The following MCPH1 variants were observed in gnomAD, a reference collection of about 807,000 sequenced individuals.
MCPH1 encodes the protein microcephalin 1, also known as microcephalin.
MCPH1 carries 104 observed loss-of-function variants against 84.5 expected under a neutral mutation model. The observed-to-expected ratio is 1.23, with a 90% CI of 1.05 to 1.45. The LOEUF is 1.45. Among genes scored for constraint, MCPH1 ranks in the 40% most tolerant of loss-of-function variants. MCPH1 has a pLI of 0.00. For missense variants in MCPH1, 1,498 were observed against 1,005.7 expected, an observed-to-expected ratio of 1.49 and a Z score of -6.62; for synonymous variants, 514 against 366.8, an observed-to-expected ratio of 1.40 and a Z score of -4.58.
intron 2 of MCPH1, among the ~76,000 whole-genome samples, chr8:6,410,324 G>T (rs545328378): frequency 6.6e-6 from 1 of 152,046 alleles, no homozygotes; most frequent in East Asian, 1.9e-4. Context: ...TAATTTTAAA[G>T]ATAGAATTTT....
chr8:6,534,011 A>C (rs1820030076), intron 12 of MCPH1, among the ~76,000 whole-genome samples: 1 of 152,108 alleles, frequency 6.6e-6, no homozygotes, highest in South Asian at 2.1e-4. Flanking sequence ...CCCCCTCGCC[A>C]TCGACTCTGC....
intron 12 of MCPH1, among the ~76,000 whole-genome samples, chr8:6,506,711 T>C (rs753086937): frequency 2.0e-5 from 3 of 150,898 alleles, no homozygotes; most frequent in Non-Finnish European, 4.4e-5. Flanking sequence ...GGTGTAATAA[T>C]GGTGTAACAT....
At chr8:6,487,220 A>AGAT (rs751579185) in intron 11 of MCPH1, among the ~76,000 whole-genome samples, 9 of 152,392 alleles carry the variant, frequency 5.9e-5, no homozygotes, top group Admixed American at 2.6e-4. Context: ...AACTATCAAC[A>AGAT]GATAATCTAG....
chr8:6,544,282 T>A (rs145809007), intron 12 of MCPH1, among the ~76,000 whole-genome samples: 3 of 152,320 alleles, frequency 2.0e-5, no homozygotes, highest in Non-Finnish European at 2.9e-5. Flanking sequence ...TCTACTTCTG[T>A]CTGTGGCCAG....
At chr8:6,521,236 C>T (rs1296892808) in intron 12 of MCPH1, 8 of 1,613,790 alleles carry the variant, frequency 5.0e-6, no homozygotes, top group Admixed American at 1.7e-5. Flanking sequence ...GATCATGTTG[C>T]TGCTTCTGAA....
intron 12 of MCPH1, among the ~76,000 whole-genome samples, chr8:6,578,293 C>T (rs759053778): frequency 6.6e-6 from 1 of 152,180 alleles, no homozygotes; most frequent in African/African-American, 2.4e-5. Context: ...TATTCCATAT[C>T]AATTCTAAAC....
At chr8:6,467,799 T>C (rs1807169358) in intron 9 of MCPH1, among the ~76,000 whole-genome samples, 1 of 152,104 alleles carries the variant, frequency 6.6e-6, no homozygotes, top group African/African-American at 2.4e-5. Flanking sequence ...GATTTGGCTG[T>C]GTTGACCAGG....
At chr8:6,547,057 CCG>C (rs1822725242) in intron 12 of MCPH1, among the ~76,000 whole-genome samples, 1 of 152,048 alleles carries the variant, frequency 6.6e-6, no homozygotes, top group Admixed American at 6.5e-5. Flanking sequence ...TCCGTGTGTA[CCG>C]TGGTTGCCTT....
At chr8:6,575,131 T>A (rs74560458) in intron 12 of MCPH1, among the ~76,000 whole-genome samples, 9,576 of 152,220 alleles carry the variant, frequency 0.063, 388 homozygotes, top group East Asian at 0.12. Flanking sequence ...CGGTTAGAGT[T>A]TTCCTATTGC....
chr8:6,538,337 C>T (rs73507128), intron 12 of MCPH1, among the ~76,000 whole-genome samples: 4 of 152,206 alleles, frequency 2.6e-5, no homozygotes, highest in Admixed American at 1.3e-4. Context: ...GTCCACTGTC[C>T]TCTCTGTCTC....
chr8:6,422,149 C>A (rs952469292), intron 3 of MCPH1, among the ~76,000 whole-genome samples: 2 of 152,132 alleles, frequency 1.3e-5, no homozygotes. Context: ...TTTTGTCTTT[C>A]TATTGTAATG....
chr8:6,623,033 T>TG (rs10689803), intron 13 of MCPH1, among the ~76,000 whole-genome samples: 40 of 144,548 alleles, frequency 2.8e-4, no homozygotes, highest in African/African-American at 5.2e-4. Context: ...TTTTTTTTTT[T>TG]GTAGAGATGG....
At chr8:6,431,807 G>A (rs1056761258) in intron 4 of MCPH1, among the ~76,000 whole-genome samples, 1 of 152,130 alleles carries the variant, frequency 6.6e-6, no homozygotes, top group African/African-American at 2.4e-5. Flanking sequence ...AAAGCCTGTG[G>A]TTGGCCATGG....
At chr8:6,551,184 A>G (rs1823589813) in intron 12 of MCPH1, among the ~76,000 whole-genome samples, 1 of 152,098 alleles carries the variant, frequency 6.6e-6, no homozygotes, top group African/African-American at 2.4e-5. Context: ...TTTGAGCTGG[A>G]TAGAGAAAGG....
At chr8:6,503,129 G>T in intron 12 of MCPH1, 1 of 1,614,200 alleles carries the variant, frequency 6.2e-7, no homozygotes, top group Non-Finnish European at 8.5e-7. Context: ...GATCATCATG[G>T]TTGTGGCCTT....
chr8:6,548,627 C>T (rs1016090795), intron 12 of MCPH1, among the ~76,000 whole-genome samples: 10 of 151,874 alleles, frequency 6.6e-5, no homozygotes, highest in African/African-American at 1.9e-4. Context: ...TAATGATGGC[C>T]GTAAGTCATA....
chr8:6,554,664 C>A (rs1330011561), intron 12 of MCPH1, among the ~76,000 whole-genome samples: 1 of 151,960 alleles, frequency 6.6e-6, no homozygotes, highest in African/African-American at 2.4e-5. Context: ...GTAAAGATTC[C>A]AAAAATAATT....
At chr8:6,505,503 GTATATATAGAATATATATTCTTTATATA>G (rs1365692184) in intron 12 of MCPH1, among the ~76,000 whole-genome samples, 2 of 4,020 alleles carry the variant, frequency 5.0e-4, no homozygotes, top group Admixed American at 7.8e-3. Context: ...CTTTATATAT[GTATATATAGAATATATATTCTTTATATA>G]TGTATATATA....
At chr8:6,568,079 A>T (rs115833043) in intron 12 of MCPH1, among the ~76,000 whole-genome samples, 1,887 of 152,276 alleles carry the variant, frequency 0.012, 35 homozygotes, top group African/African-American at 0.043. Context: ...GGTTGACGAC[A>T]CCAGAAAAAC....
Sources: allele counts gnomAD v4.1 joint callset (sites outside exome capture counted in the v4.1 genomes callset), GRCh38; gene constraint gnomAD v4.1.1; transcripts MANE v1.5; gene names NCBI Gene and HGNC (gene_info 2026-07-23, HGNC 2026-07-21).